Variants in SLC2A13 observed in about 807,000 individuals in gnomAD.
SLC2A13 encodes solute carrier family 2 member 13, also known as proton myo-inositol cotransporter.
In SLC2A13, 32 loss-of-function variants were observed where a neutral mutation model predicts 64.4. The ratio of observed to expected loss-of-function variants is 0.50; its 90% CI spans 0.37 to 0.67. The LOEUF is 0.67. Ranked by LOEUF, SLC2A13 falls within the 30% of genes least tolerant of loss-of-function variation. SLC2A13 has a pLI of 0.00. For missense variants in SLC2A13, 743 were observed against 829.2 expected, an observed-to-expected ratio of 0.90 and a Z score of 1.28; for synonymous variants, 338 against 327.1, an observed-to-expected ratio of 1.03 and a Z score of -0.36.
intron 1 of SLC2A13, among the ~76,000 whole-genome samples, chr12:40,065,392 G>T (rs762823266): frequency 8.6e-5 from 13 of 151,762 alleles, no homozygotes; most frequent in Non-Finnish European, 1.6e-4. Context: ...GACCAGCCTG[G>T]GCAACATAGT....
At chr12:39,941,130 TATATATA>T in intron 4 of SLC2A13, among the ~76,000 whole-genome samples, 1 of 150,516 alleles carries the variant, frequency 6.6e-6, no homozygotes, top group Non-Finnish European at 1.5e-5. Context: ...CATATATATA[TATATATA>T]TATATATGAA....
Position 40,105,616 on chromosome 12 carries a change from C to T in SLC2A13, c.193G>A (p.Glu65Lys). Reference sequence around the variant, plus strand: ...TGGAACTGCCGCCGCGCCGCGCGCTCCAGGTCCCCGACGCCGCCGCCGCCC... The same window carrying T: ...TGGAACTGCCGCCGCGCCGCGCGCTTCAGGTCCCCGACGCCGCCGCCGCCC... ...GAGGGGVGDL[E>K]RAARRQFQQD... The change falls in exon 1 of 10, where the codon GAG becomes AAG. Residue 65 changes from glutamate (E) to lysine (K), a missense_variant. Coordinates refer to ENST00000280871, the MANE Select transcript of SLC2A13 (RefSeq NM_052885.4). The surrounding 1 kb of genome is among the most constrained non-coding windows in gnomAD (Gnocchi z 4.2). 3 of 1,504,458 alleles carry T rather than the reference C, an allele frequency of 2.0e-6. No homozygotes were observed. Among genetic ancestry groups the T allele is most frequent in the Non-Finnish European group, 2.7e-6 (3 of 1,130,032 alleles). The allele number at this position is 1,504,458 out of a possible 1,614,324, so 93.2% of individuals were successfully genotyped here.
chr12:39,932,621 G>A (rs192059020), intron 4 of SLC2A13, among the ~76,000 whole-genome samples: 125 of 152,198 alleles, frequency 8.2e-4, no homozygotes, highest in Middle Eastern at 6.8e-3. Flanking sequence ...AAACATGACG[G>A]GAAAAAATGG....
intron 6 of SLC2A13, among the ~76,000 whole-genome samples, chr12:39,836,151 T>C (rs1592186955): frequency 6.6e-6 from 1 of 152,078 alleles, no homozygotes; most frequent in Non-Finnish European, 1.5e-5. Flanking sequence ...TTTAGAGAGT[T>C]TGTAGTAAAT....
At chr12:39,814,719 C>T (rs1290606785) in intron 7 of SLC2A13, among the ~76,000 whole-genome samples, 1 of 152,186 alleles carries the variant, frequency 6.6e-6, no homozygotes, top group Non-Finnish European at 1.5e-5. Context: ...CCCTGCCTAT[C>T]CTTCAAGGCC....
At chr12:39,926,321 T>A (rs1798440051) in intron 4 of SLC2A13, among the ~76,000 whole-genome samples, 1 of 152,120 alleles carries the variant, frequency 6.6e-6, no homozygotes, top group East Asian at 1.9e-4. Flanking sequence ...TACATACAAA[T>A]CTCAGGTTTA....
At chr12:39,785,285 T>C (rs1037984535) in intron 7 of SLC2A13, among the ~76,000 whole-genome samples, 20 of 152,108 alleles carry the variant, frequency 1.3e-4, no homozygotes, top group African/African-American at 4.6e-4. Flanking sequence ...TCCCAGCTGC[T>C]CCAGCCACAG....
At chr12:39,988,693 G>A (rs1393865503) in intron 3 of SLC2A13, among the ~76,000 whole-genome samples, 5 of 39,738 alleles carry the variant, frequency 1.3e-4, no homozygotes, top group Admixed American at 9.3e-4. Flanking sequence ...GAGGGAGGGA[G>A]GAAGGAAGGA....
At chr12:40,076,653 C>A (rs1215217399) in intron 1 of SLC2A13, among the ~76,000 whole-genome samples, 1 of 152,082 alleles carries the variant, frequency 6.6e-6, no homozygotes, top group Non-Finnish European at 1.5e-5. Flanking sequence ...AATTATATTT[C>A]TTTGGGTATA....
chr12:39,833,061 C>T (rs1176552534), intron 6 of SLC2A13, among the ~76,000 whole-genome samples: 1 of 152,050 alleles, frequency 6.6e-6, no homozygotes, highest in Non-Finnish European at 1.5e-5. Context: ...TTATCCACAT[C>T]CTGGAAATTA....
At position 39,852,986 on chromosome 12, in the gene SLC2A13, C is replaced by G. The variant is rs897724123; in HGVS notation, c.1319+11776G>C. ...TTCTGTAACCAATGCTCTTGAGTCG[C>G]TTGCTTGAGTCTGCTCCCATTCTGT... On this transcript the variant is annotated intron_variant, in intron 6 of 9. Coordinates refer to ENST00000280871, the MANE Select transcript of SLC2A13 (RefSeq NM_052885.4). Among the ~76,000 whole-genome samples the G allele has an allele frequency of 5.3e-5, 8 of 152,190 alleles. No homozygotes were observed. In the South Asian group the frequency reaches 6.2e-4, roughly 12 times the overall value.
At chr12:39,838,419 C>G (rs937563840) in intron 6 of SLC2A13, among the ~76,000 whole-genome samples, 3 of 145,472 alleles carry the variant, frequency 2.1e-5, no homozygotes, top group Admixed American at 6.9e-5. Context: ...TGCAGCGCAC[C>G]AGCATGGCAC....
At chr12:40,002,064 G>T (rs1947329306) in intron 3 of SLC2A13, among the ~76,000 whole-genome samples, 1 of 152,158 alleles carries the variant, frequency 6.6e-6, no homozygotes, top group Admixed American at 6.5e-5. Flanking sequence ...ACTAACAACT[G>T]AAATTAAGGA....
intron 7 of SLC2A13, among the ~76,000 whole-genome samples, chr12:39,798,598 G>T (rs1941662231): frequency 6.6e-6 from 1 of 152,206 alleles, no homozygotes; most frequent in Non-Finnish European, 1.5e-5. Context: ...TCTGTCCTGA[G>T]CAGGCCCTCC....
At chr12:40,028,556 A>C in intron 2 of SLC2A13, 47 bp from the exon 3 acceptor site, 5 of 1,583,892 alleles carry the variant, frequency 3.2e-6, no homozygotes, top group Non-Finnish European at 4.3e-6. Context: ...TGCTCTTACC[A>C]TCATGTGCTC....
At chr12:40,077,887 C>T (rs1938240700) in intron 1 of SLC2A13, among the ~76,000 whole-genome samples, 1 of 151,974 alleles carries the variant, frequency 6.6e-6, no homozygotes, top group Admixed American at 6.6e-5. Flanking sequence ...AGCTGTATTC[C>T]TAGATATTTT....
At chr12:39,819,976 C>T (rs565140217) in intron 7 of SLC2A13, 1 of 152,146 alleles carries the variant, frequency 6.6e-6, no homozygotes, top group South Asian at 2.1e-4. Context: ...GGTATAAATG[C>T]CATACCAATG....
At chr12:39,980,381 G>A (rs373485224) in intron 3 of SLC2A13, among the ~76,000 whole-genome samples, 1 of 151,898 alleles carries the variant, frequency 6.6e-6, no homozygotes, top group Non-Finnish European at 1.5e-5. Flanking sequence ...AGACTGGCAA[G>A]TTGGATAAAG....
chr12:39,894,799 A>G (rs1944698501), intron 4 of SLC2A13, among the ~76,000 whole-genome samples: 1 of 152,194 alleles, frequency 6.6e-6, no homozygotes, highest in African/African-American at 2.4e-5. Flanking sequence ...TAGGGAATAA[A>G]GCAGGGAGAT....
Sources: allele counts gnomAD v4.1 joint callset (sites outside exome capture counted in the v4.1 genomes callset), GRCh38; gene constraint gnomAD v4.1.1; non-coding constraint Gnocchi (gnomAD v3.1); transcripts MANE v1.5; gene names NCBI Gene and HGNC (gene_info 2026-07-23, HGNC 2026-07-21).